The following PTGER3 variants were observed in gnomAD, a reference collection of about 807,000 sequenced individuals.
PTGER3 encodes the protein prostaglandin E2 receptor EP3 subtype.
A neutral mutation model predicts 34.7 loss-of-function variants in PTGER3; 22 were observed. The observed-to-expected ratio is 0.63, with a 90% CI of 0.45 to 0.91. The LOEUF (loss-of-function observed/expected upper bound fraction) is 0.91. Ranked by LOEUF, PTGER3 falls within the 40% of genes least tolerant of loss-of-function variation. The pLI is 0.00. For synonymous variants in PTGER3, 241 were observed against 230.1 expected (o/e 1.05, Z -0.43); for missense variants, 468 against 519.4 (o/e 0.90, Z 0.96).
At chr1:70,950,260 C>G (rs910040628), downstream of PTGER3, among the ~76,000 whole-genome samples, 2 of 152,190 alleles carry the variant, frequency 1.3e-5, no homozygotes, top group African/African-American at 4.8e-5. Context: ...TTACTTCTTG[C>G]ACATCTAGAA....
chr1:71,000,257 G>A (rs931720919), intron 2 of PTGER3, among the ~76,000 whole-genome samples: 2 of 152,162 alleles, frequency 1.3e-5, no homozygotes, highest in African/African-American at 4.8e-5. Context: ...CTCATTAACT[G>A]TTGTGTATTT....
At chr1:71,007,732 T>C in intron 2 of PTGER3, 1 of 985,350 alleles carries the variant, frequency 1.0e-6, no homozygotes, top group Non-Finnish European at 1.2e-6. Flanking sequence ...GTATGAGAAA[T>C]CTATATTTGA....
intron 4 of PTGER3, among the ~76,000 whole-genome samples, chr1:70,943,847 GGAGAGA>G (rs60989903): frequency 1.4e-3 from 193 of 138,310 alleles, no homozygotes; most frequent in African/African-American, 3.1e-3. Context: ...GGAGAGAGAG[GGAGAGA>G]GAGAGAGAGA....
At chr1:70,863,065 C>T (rs1193710752) in intron 4 of PTGER3, among the ~76,000 whole-genome samples, 2 of 150,980 alleles carry the variant, frequency 1.3e-5, no homozygotes, top group Admixed American at 6.7e-5. Flanking sequence ...AGGGGGCGGC[C>T]GATGCCCAGG....
intron 4 of PTGER3, among the ~76,000 whole-genome samples, chr1:70,891,724 C>T (rs894019876): frequency 6.6e-6 from 1 of 152,174 alleles, no homozygotes; most frequent in Non-Finnish European, 1.5e-5. Flanking sequence ...TAGCATTCTT[C>T]TTCTCTAACA....
At chr1:70,904,114 A>G (rs1646896625) in intron 4 of PTGER3, among the ~76,000 whole-genome samples, 1 of 152,128 alleles carries the variant, frequency 6.6e-6, no homozygotes, top group Non-Finnish European at 1.5e-5. Flanking sequence ...GTTTCCCTGA[A>G]CACATGCTCT....
At chr1:70,943,084 A>G (rs991543578) in intron 4 of PTGER3, among the ~76,000 whole-genome samples, 4 of 152,126 alleles carry the variant, frequency 2.6e-5, no homozygotes, top group Non-Finnish European at 5.9e-5. Context: ...TTTATCAAAT[A>G]TCTTTGCTAT....
chr1:70,957,577 G>A (rs1651474369), intron 2 of PTGER3, among the ~76,000 whole-genome samples: 1 of 151,944 alleles, frequency 6.6e-6, no homozygotes, highest in African/African-American at 2.4e-5. Flanking sequence ...ATTTATAATT[G>A]ACACAATAAT....
intron 4 of PTGER3, among the ~76,000 whole-genome samples, chr1:70,869,073 A>T (rs75286380): frequency 0.084 from 12,816 of 152,222 alleles, 1,231 homozygotes; most frequent in African/African-American, 0.24. Flanking sequence ...CTCACGTATT[A>T]CAGCCTGCAG....
chr1:70,927,858 G>A (rs1648267752), intron 4 of PTGER3, among the ~76,000 whole-genome samples: 1 of 152,022 alleles, frequency 6.6e-6, no homozygotes, highest in South Asian at 2.1e-4. Flanking sequence ...GACACACAGA[G>A]GGGCTATGCA....
chr1:71,008,576 A>C, intron 2 of PTGER3: 1 of 982,936 alleles, frequency 1.0e-6, no homozygotes, highest in Non-Finnish European at 1.2e-6. Flanking sequence ...TGGTTATTAA[A>C]TTTTGTAAAT....
intron 2 of PTGER3, among the ~76,000 whole-genome samples, chr1:70,986,310 T>A (rs1009171900): frequency 1.3e-5 from 2 of 152,182 alleles, no homozygotes; most frequent in Admixed American, 1.3e-4. Flanking sequence ...TTAATAAACT[T>A]GCTTTCACTT....
intron 4 of PTGER3, among the ~76,000 whole-genome samples, chr1:70,862,077 T>C (rs1645939266): frequency 6.6e-6 from 1 of 152,076 alleles, no homozygotes; most frequent in Non-Finnish European, 1.5e-5. Flanking sequence ...CCCATTAATC[T>C]GAGGATCTAT....
chr1:70,910,501 T>G (rs1169656368), intron 4 of PTGER3, among the ~76,000 whole-genome samples: 1 of 152,156 alleles, frequency 6.6e-6, no homozygotes, highest in African/African-American at 2.4e-5. Flanking sequence ...CTCAAATATC[T>G]GGTCTCAAGT....
At chr1:70,931,840 A>AT (rs1648733977) in intron 4 of PTGER3, among the ~76,000 whole-genome samples, 1 of 151,978 alleles carries the variant, frequency 6.6e-6, no homozygotes, top group Non-Finnish European at 1.5e-5. Flanking sequence ...CCCTGGGTAC[A>AT]TTTTCCCCAT....
intron 1 of PTGER3, among the ~76,000 whole-genome samples, chr1:71,026,641 T>C (rs1412227732): frequency 6.6e-6 from 1 of 150,896 alleles, no homozygotes; most frequent in Non-Finnish European, 1.5e-5. Flanking sequence ...TACTATATTA[T>C]TACTAATATT....
intron 2 of PTGER3, among the ~76,000 whole-genome samples, chr1:70,957,320 A>G (rs1326866875): frequency 6.6e-6 from 1 of 152,180 alleles, no homozygotes; most frequent in Non-Finnish European, 1.5e-5. Flanking sequence ...AGTGAAGTCA[A>G]CCTGAGTTGA....
In PTGER3 at chr1:70,878,843, A is replaced by G. The variant is rs568352301; in HGVS notation, c.*24-25984T>C. 2.6e-5 allele frequency among the ~76,000 whole-genome samples: 4 copies of G among 152,184 alleles called. No individual in the cohort carries two copies. In the East Asian group the frequency reaches 5.8e-4, roughly 22 times the overall value. On this transcript the variant is annotated intron_variant, in intron 4 of 4. Transcript: ENST00000370931. ...GCTGTAGTCCGTGAATGTAGTTGGTATGATTTCTGTTTGTTTTTTGGTTTG... is the reference window on the plus strand; with the variant it reads ...GCTGTAGTCCGTGAATGTAGTTGGTGTGATTTCTGTTTGTTTTTTGGTTTG...
At chr1:70,960,286 C>A (rs1651794942) in intron 2 of PTGER3, among the ~76,000 whole-genome samples, 1 of 152,164 alleles carries the variant, frequency 6.6e-6, no homozygotes, top group Non-Finnish European at 1.5e-5. Flanking sequence ...ACTTTCTTCA[C>A]AGTTGTGCCA....
Sources: gnomAD v4.1 joint callset for allele counts (sites outside exome capture counted in the v4.1 genomes callset) on GRCh38, gnomAD v4.1.1 for gene constraint, MANE v1.5 for transcripts, NCBI Gene and HGNC (gene_info 2026-07-23, HGNC 2026-07-21) for gene names.